Variants in DMTF1 observed in about 807,000 individuals in gnomAD.
The protein encoded by DMTF1 is cyclin D binding myb like transcription factor 1, also known as cyclin-D-binding Myb-like transcription factor 1.
DMTF1 carries 39 observed loss-of-function variants against 91.1 expected under a neutral mutation model. The observed-to-expected ratio is 0.43, with a 90% CI of 0.33 to 0.56. DMTF1 has a LOEUF of 0.56. Ranked by LOEUF, DMTF1 falls within the 20% of genes least tolerant of loss-of-function variation. The pLI is 0.05. For synonymous variants in DMTF1, 338 were observed against 309.5 expected (o/e 1.09, Z -0.97); for missense variants, 750 against 914.5 (o/e 0.82, Z 2.32).
Position 87,195,140 on chromosome 7 carries a change from GAAT to G in DMTF1, c.*4_*6del. 1 of 1,602,434 alleles carries G rather than the reference GAAT, an allele frequency of 6.2e-7. No homozygotes were observed. Among genetic ancestry groups the G allele is most frequent in the Non-Finnish European group, 8.5e-7 (1 of 1,170,474 alleles). On this transcript the variant is annotated 3_prime_UTR_variant, in exon 18 of 18. Coordinates refer to ENST00000331242, the MANE Select transcript of DMTF1 (RefSeq NM_001142327.2). ...TCGAAGATTTGGTAAACTGTCATTA[GAAT>G]AATTCTTAGAAATAGGCAGTTCAAG... is the stretch of plus-strand genomic sequence containing the variant.
At chr7:87,194,264 G>C in intron 16 of DMTF1, 162 bp downstream of exon 16, 1 of 717,380 alleles carries the variant, frequency 1.4e-6, no homozygotes, top group Non-Finnish European at 2.2e-6. Flanking sequence ...CAGTGATCCT[G>C]TGGCAGTCAG....
chr7:87,166,115 G>A (rs891459835), intron 3 of DMTF1, among the ~76,000 whole-genome samples: 1 of 152,086 alleles, frequency 6.6e-6, no homozygotes, highest in Non-Finnish European at 1.5e-5. Flanking sequence ...ACCTCCTGCC[G>A]CATTTCATAT....
rs1293769045 is a variant in DMTF1, at chr7:87,193,278, G to C, written c.1575G>C (p.Leu525=). 2 of 1,613,372 alleles carry C rather than the reference G, an allele frequency of 1.2e-6. No homozygotes were observed. The highest frequency in any genetic ancestry group is 2.7e-5 in the African/African-American group (2 of 74,960). ...CAAGCCAAGGCCTTCCCCTAACTCTGACTGCTAGTCCCACAGTAACCCTGA... is the reference window on the plus strand; with the variant it reads ...CAAGCCAAGGCCTTCCCCTAACTCTCACTGCTAGTCCCACAGTAACCCTGA... The part of the protein sequence containing the change: ...TSSSQGLPLT[L]TASPTVTLTA... The change falls in exon 15 of 18, where the codon CTG becomes CTC. Residue 525 remains leucine (L), a synonymous_variant. Transcript: ENST00000331242.
At chr7:87,164,023 C>G (rs1260130777) in intron 2 of DMTF1, among the ~76,000 whole-genome samples, 2 of 143,754 alleles carry the variant, frequency 1.4e-5, no homozygotes, top group Admixed American at 1.4e-4. Context: ...CCTCTGCACT[C>G]CAGCCTGGGC....
Position 87,195,135 on chromosome 7 carries a change from C to T in DMTF1, c.2278C>T (p.His760Tyr), listed in dbSNP as rs1447368952. The change falls in exon 18 of 18, where the codon CAT (histidine) becomes TAT (tyrosine). Residue 760 changes from histidine (H) to tyrosine (Y), a missense_variant. His to Tyr is a moderately conservative substitution (Grantham distance 83). This residue lies in a region of DMTF1 where 410 missense variants were observed against 420.2 expected (regional missense o/e 0.98). Coordinates refer to ENST00000331242, the MANE Select transcript of DMTF1 (RefSeq NM_001142327.2). ...GGATGTCGAAGATTTGGTAAACTGTCATTAGAATAATTCTTAGAAATAGGC... is the reference window on the plus strand; with the variant it reads ...GGATGTCGAAGATTTGGTAAACTGTTATTAGAATAATTCTTAGAAATAGGC... The part of the protein sequence containing the change: ...SKDVEDLVNC[H>Y] 2 of 1,603,596 alleles carry T rather than the reference C, an allele frequency of 1.2e-6. No homozygotes were observed. Among genetic ancestry groups the T allele is most frequent in the African/African-American group, 1.3e-5 (1 of 74,552 alleles).
chr7:87,174,958 A>G (rs1795920676), intron 7 of DMTF1, among the ~76,000 whole-genome samples: 1 of 151,820 alleles, frequency 6.6e-6, no homozygotes, highest in South Asian at 2.1e-4. Flanking sequence ...CAAGAAGCCT[A>G]TAGAGTTTAA....
At chr7:87,173,797 C>G (rs1201795283) in intron 6 of DMTF1, 148 bp downstream of exon 6, 1 of 405,666 alleles carries the variant, frequency 2.5e-6, no homozygotes, top group African/African-American at 2.1e-5. Flanking sequence ...AAATTTGGCC[C>G]CAAATGACTT....
At chr7:87,161,662 G>A (rs1792451007) in intron 1 of DMTF1, among the ~76,000 whole-genome samples, 1 of 152,208 alleles carries the variant, frequency 6.6e-6, no homozygotes, top group African/African-American at 2.4e-5. Context: ...TCTAACATGA[G>A]TTGCAGAACT....
intron 9 of DMTF1, chr7:87,181,967 TG>T (rs1484110376): frequency 1.4e-6 from 2 of 1,405,094 alleles, no homozygotes; most frequent in Non-Finnish European, 9.4e-7. Context: ...GAGGGGAAAT[TG>T]GTCTTTTTTG....
At chr7:87,180,238 C>T (rs1446002183) in intron 8 of DMTF1, among the ~76,000 whole-genome samples, 1 of 152,118 alleles carries the variant, frequency 6.6e-6, no homozygotes, top group Non-Finnish European at 1.5e-5. Context: ...TTTTAGGTGG[C>T]AGTAGTATGG....
At chr7:87,181,901 G>A in intron 9 of DMTF1, 1 of 650,866 alleles carries the variant, frequency 1.5e-6, no homozygotes, top group Non-Finnish European at 2.4e-6. Context: ...AGTTTGTTGG[G>A]TATATGCTCA....
At chr7:87,161,375 G>A (rs901577699) in intron 1 of DMTF1, among the ~76,000 whole-genome samples, 16 of 152,092 alleles carry the variant, frequency 1.1e-4, no homozygotes, top group Non-Finnish European at 1.2e-4. Context: ...GGTGGCACAC[G>A]CCTGTAGTCC....
chr7:87,160,697 G>C (rs774654567), intron 1 of DMTF1, among the ~76,000 whole-genome samples: 1 of 152,068 alleles, frequency 6.6e-6, no homozygotes, highest in Non-Finnish European at 1.5e-5. Flanking sequence ...GCCAGATTAC[G>C]TAGCTACTTC....
chr7:87,181,293 T>G lies in DMTF1; in HGVS notation c.678-16T>G, dbSNP rs1376706329. The G allele has an allele frequency of 8.3e-7, 1 of 1,209,888 alleles. No individual in the cohort carries two copies. The highest frequency in any genetic ancestry group is 1.3e-5 in the South Asian group (1 of 75,548). The allele number at this position is 1,209,888 out of a possible 1,614,324, so 74.9% of individuals were successfully genotyped here. A position where few individuals can be genotyped will look rare whatever the true frequency, so the allele number is the denominator to read the frequency against. On this transcript the variant is annotated splice_polypyrimidine_tract_variant and intron_variant, in intron 8 of 17. Coordinates refer to ENST00000331242, the MANE Select transcript of DMTF1 (RefSeq NM_001142327.2). ...TTGTTTTAATTGATTTTTTAAAAATTTCTCTGAATTTCTAGATATACACCT... is the reference window on the plus strand; with the variant it reads ...TTGTTTTAATTGATTTTTTAAAAATGTCTCTGAATTTCTAGATATACACCT...
At chr7:87,194,953 TG>T in intron 17 of DMTF1, 77 bp from the exon 18 acceptor site, 1 of 1,433,248 alleles carries the variant, frequency 7.0e-7, no homozygotes, top group Middle Eastern at 1.9e-4. Context: ...TTCTACACTG[TG>T]GTAGAATACC....
At chr7:87,161,010 A>G (rs773039054) in intron 1 of DMTF1, among the ~76,000 whole-genome samples, 36 of 152,150 alleles carry the variant, frequency 2.4e-4, no homozygotes, top group Non-Finnish European at 4.4e-4. Context: ...TCAGTTTGAC[A>G]TCTTCATTTA....
chr7:87,165,189 A>G, intron 3 of DMTF1, 139 bp downstream of exon 3: 1 of 484,556 alleles, frequency 2.1e-6, no homozygotes. Flanking sequence ...TATCTCTTTA[A>G]CATAAATGTT....
At chr7:87,181,429 G>C in intron 9 of DMTF1, 88 bp downstream of exon 9, 1 of 633,480 alleles carries the variant, frequency 1.6e-6, no homozygotes, top group South Asian at 1.8e-5. Context: ...AGAGGTTTTT[G>C]GCAGACTGGT....
In DMTF1 at chr7:87,195,635, G is replaced by GT. The variant is rs1294800165; in HGVS notation, c.*495_*496insT. The GT allele has an allele frequency of 1.3e-5, 2 of 152,916 alleles. No homozygotes were observed. The highest frequency in any genetic ancestry group is 3.9e-4 in the East Asian group (2 of 5,176). The allele number at this position is 152,916 out of a possible 1,614,324, so 9.5% of individuals were successfully genotyped here. On this transcript the variant is annotated 3_prime_UTR_variant, in exon 18 of 18. Coordinates refer to ENST00000331242, the MANE Select transcript of DMTF1 (RefSeq NM_001142327.2). ...GACTTGACCAGCATACAAGTATAGAGACCTAGGAGGTGGTCTTGTGGTGGT... is the reference window on the plus strand; with the variant it reads ...GACTTGACCAGCATACAAGTATAGAGTACCTAGGAGGTGGTCTTGTGGTGGT...
Sources: allele counts gnomAD v4.1 joint callset (sites outside exome capture counted in the v4.1 genomes callset), GRCh38; gene constraint gnomAD v4.1.1; regional missense constraint gnomAD v4.1.1; transcripts MANE v1.5; gene names NCBI Gene and HGNC (gene_info 2026-07-23, HGNC 2026-07-21).